Variants in CCT4 observed in about 807,000 individuals in gnomAD.
The protein encoded by CCT4 is T-complex protein 1 subunit delta.
A neutral mutation model predicts 62.5 loss-of-function variants in CCT4; 17 were observed. That is an observed-to-expected ratio of 0.27 (90% CI 0.19 to 0.41). The LOEUF (loss-of-function observed/expected upper bound fraction) is 0.41, where lower values mean the gene tolerates loss of function less well. Ranked by LOEUF, CCT4 falls within the 10% of genes least tolerant of loss-of-function variation. The probability of loss-of-function intolerance (pLI) is 1.00; values close to 1 mark genes in which losing one functional copy is unlikely to be tolerated. For synonymous variants in CCT4, 250 were observed against 229.9 expected (o/e 1.09, Z -0.79); for missense variants, 592 against 659.2 (o/e 0.90, Z 1.12).
intron 4 of CCT4, among the ~76,000 whole-genome samples, chr2:61,879,257 T>A (rs1434207748): frequency 1.4e-3 from 1 of 694 alleles, no homozygotes; most frequent in Non-Finnish European, 3.5e-3. Context: ...AATTTTATAC[T>A]TTTTTTTTTT....
intron 8 of CCT4, among the ~76,000 whole-genome samples, chr2:61,875,315 A>G (rs1668974774): frequency 6.6e-6 from 1 of 152,086 alleles, no homozygotes; most frequent in Admixed American, 6.6e-5. Flanking sequence ...GCGGTGGCTC[A>G]TGCCTGTAAT....
At chr2:61,870,166 A>G (rs1182251611) in intron 12 of CCT4, among the ~76,000 whole-genome samples, 2 of 151,724 alleles carry the variant, frequency 1.3e-5, no homozygotes, top group Non-Finnish European at 1.5e-5. Context: ...AGTCCCAGCT[A>G]CTCAGGAGGC....
At chr2:61,868,850 A>C (rs1482672885) in intron 13 of CCT4, 144 bp from the exon 14 acceptor site, 2 of 675,108 alleles carry the variant, frequency 3.0e-6, no homozygotes, top group Admixed American at 4.5e-5. Flanking sequence ...CAAAAGTAAA[A>C]ACTTGGCCAG....
intron 5 of CCT4, 63 bp from the exon 6 acceptor site, chr2:61,877,577 T>A: frequency 7.9e-7 from 1 of 1,257,958 alleles, no homozygotes; most frequent in Non-Finnish European, 1.1e-6. Flanking sequence ...AATTTTTCAA[T>A]GACAAAGATA....
intron 1 of CCT4, among the ~76,000 whole-genome samples, chr2:61,886,754 C>A (rs1669260246): frequency 6.6e-6 from 1 of 151,974 alleles, no homozygotes; most frequent in African/African-American, 2.4e-5. Context: ...TCTCTTGGCC[C>A]CCAAATTTAT....
In CCT4 at chr2:61,876,339, A is replaced by G. The variant is rs879373267; in HGVS notation, c.778-105T>C. 1.6e-4 allele frequency: 118 copies of G among 736,382 alleles called. No individual in the cohort carries two copies. The Admixed American group carries it at 2.1e-3, about 13-fold the overall frequency. The allele number at this position is 736,382 out of a possible 1,614,324, so 45.6% of individuals were successfully genotyped here. ...GTGTTGTATAAATTCAACCAAAACTATATCAAGTAATAAATTATATAGACA... is the reference window on the plus strand; with the variant it reads ...GTGTTGTATAAATTCAACCAAAACTGTATCAAGTAATAAATTATATAGACA... On this transcript the variant is annotated intron_variant, in intron 7 of 13. Transcript: ENST00000394440.
intron 3 of CCT4, among the ~76,000 whole-genome samples, chr2:61,882,605 C>T (rs1669143369): frequency 6.6e-6 from 1 of 151,888 alleles, no homozygotes; most frequent in African/African-American, 2.4e-5. Flanking sequence ...CTCCCCTGGA[C>T]TCAAACAATT....
chr2:61,872,167 G>C lies in CCT4; in HGVS notation c.1406C>G (p.Ala469Gly). 1 of 1,614,030 alleles carries C rather than the reference G, an allele frequency of 6.2e-7. No homozygotes were observed. The highest frequency in any genetic ancestry group is 8.5e-7 in the Non-Finnish European group (1 of 1,179,972). ...TACTGTAGAAATGGGATTCAGGCCG[G>C]CATTTTCAGCTAGTGTAGATGGAAT... ...EVIPSTLAEN[A>G]GLNPISTVTE... The change falls in exon 12 of 14, where the codon GCC becomes GGC. Residue 469 changes from alanine (A) to glycine (G), a missense_variant. Coordinates refer to ENST00000394440, the MANE Select transcript of CCT4 (RefSeq NM_006430.4).
At chr2:61,875,098 C>T (rs1425253976) in intron 8 of CCT4, among the ~76,000 whole-genome samples, 1 of 149,566 alleles carries the variant, frequency 6.7e-6, no homozygotes, top group Non-Finnish European at 1.5e-5. Flanking sequence ...ACCGAGATCG[C>T]ACCATTGATT....
At chr2:61,873,839 T>G (rs1251609928) in intron 8 of CCT4, among the ~76,000 whole-genome samples, 2 of 152,142 alleles carry the variant, frequency 1.3e-5, no homozygotes, top group Non-Finnish European at 2.9e-5. Flanking sequence ...GTGCTGGGAT[T>G]ACAGGCATGA....
chr2:61,873,012 T>C lies in CCT4; in HGVS notation c.1115A>G (p.Lys372Arg), dbSNP rs1234624703. The stretch of plus-strand genomic sequence containing the variant: ...GTGTAATACTGTTACCTTGAGCAGT[T>C]TGCCAGAACCATTTAAATTGACCTC... ...AEEVNLNGSG[K>R]LLKITGCASP... The change falls in exon 10 of 14, where the codon AAA becomes AGA. Residue 372 changes from lysine to arginine, a missense_variant. Lys to Arg is a conservative substitution (Grantham distance 26, BLOSUM62 2). Around this residue, in one of 3 missense-constraint regions of CCT4, gnomAD observed 522 missense variants for 571.2 expected, o/e 0.91. Coordinates refer to ENST00000394440, the MANE Select transcript of CCT4 (RefSeq NM_006430.4). The C allele has an allele frequency of 3.3e-5, 53 of 1,592,086 alleles. No homozygotes were observed. Among genetic ancestry groups the C allele is most frequent in the Middle Eastern group, 1.7e-4 (1 of 6,026 alleles).
chr2:61,888,627 C>A lies in CCT4; in HGVS notation c.-120G>T. On this transcript the variant is annotated 5_prime_UTR_variant, in exon 1 of 14. Transcript: ENST00000394440. ...TCACGAACCTTCCAGAAAGCGGCGC[C>A]GGCGTCGGGAGGAGGCGGAGGCGGA... is the stretch of plus-strand genomic sequence containing the variant. The A allele has an allele frequency of 1.6e-6, 2 of 1,263,272 alleles. No homozygotes were observed. Among genetic ancestry groups the A allele is most frequent in the Non-Finnish European group, 2.1e-6 (2 of 943,694 alleles). 78.3% of individuals were successfully genotyped at this position (1,263,272 alleles called of 1,614,324 possible).
chr2:61,875,349 C>T (rs564583985), intron 8 of CCT4, among the ~76,000 whole-genome samples: 4 of 151,934 alleles, frequency 2.6e-5, no homozygotes, highest in Non-Finnish European at 4.4e-5. Context: ...GAGGCTGAGG[C>T]GGGTGGATCA....
In CCT4 at chr2:61,885,045, A is replaced by G; in HGVS notation, c.155T>C (p.Leu52Pro). 6.4e-7 allele frequency: 1 copy of G among 1,570,546 alleles called. No individual in the cohort carries two copies. The highest frequency in any genetic ancestry group is 8.6e-7 in the Non-Finnish European group (1 of 1,163,792). ...CATTTTATCCATTCCTTTTGGTCCA[A>G]GGCTTGTTCTAATAGCATCAGCAAC... ...KAVADAIRTS[L>P]GPKGMDKMIQ... Residue 52 changes from leucine to proline, a missense_variant, in exon 2 of 14, where the codon CTT (leucine) becomes CCT (proline). Leu to Pro is a moderately conservative substitution (Grantham distance 98). This residue lies in a region of CCT4 where 3 missense variants were observed against 16.9 expected (regional missense o/e 0.18). Transcript: ENST00000394440.
Position 61,872,994 on chromosome 2 carries a change from A to T in CCT4, c.1125+8T>A. 6.7e-7 allele frequency: 1 copy of T among 1,489,942 alleles called. No homozygotes were observed. Among genetic ancestry groups the T allele is most frequent in the Non-Finnish European group, 9.4e-7 (1 of 1,066,902 alleles). 92.3% of individuals were successfully genotyped at this position (1,489,942 alleles called of 1,614,324 possible). ...AAGCAAATAAAAATTTAAGTGTAAT[A>T]CTGTTACCTTGAGCAGTTTGCCAGA... On this transcript the variant is annotated splice_region_variant and intron_variant, in intron 10 of 13. Transcript: ENST00000394440.
chr2:61,879,256 CTTTTTT>C lies in CCT4; in HGVS notation c.380-251_380-246del, dbSNP rs35373962. On this transcript the variant is annotated intron_variant, in intron 4 of 13. Transcript: ENST00000394440. ...GTCTTGACTAAAACCAAATTTTATA[CTTTTTT>C]TTTTTTTTTTTTTTTCTGAGACAGG... Among the ~76,000 whole-genome samples, 27 of 101,048 alleles carry C rather than the reference CTTTTTT, an allele frequency of 2.7e-4. No individual in the cohort carries two copies. The East Asian group carries it at 3.0e-3, about 11-fold the overall frequency. 66.3% of individuals were successfully genotyped at this position (101,048 alleles called of 152,430 possible). A position where few individuals can be genotyped will look rare whatever the true frequency, so the allele number is the denominator to read the frequency against.
chr2:61,876,177 C>G lies in CCT4; in HGVS notation c.835G>C (p.Glu279Gln), dbSNP rs777563170. Residue 279 changes from glutamate to glutamine, a missense_variant, in exon 8 of 14, where the codon GAG becomes CAG. Glu to Gln is a conservative substitution (Grantham distance 29). This residue lies in a region of CCT4 where 522 missense variants were observed against 571.2 expected (regional missense o/e 0.91). Coordinates refer to ENST00000394440, the MANE Select transcript of CCT4 (RefSeq NM_006430.4). ...ACTAAATTTAAAATATAGGCTCTCT[C>G]TTCTCGCAGCACTCGGTCCATCTGG... ...YAQMDRVLRE[E>Q]RAYILNLVKQ... The G allele has an allele frequency of 3.1e-6, 5 of 1,610,398 alleles. No individual in the cohort carries two copies. The South Asian group carries it at 5.5e-5, about 18-fold the overall frequency.
At position 61,876,952 on chromosome 2, in the gene CCT4, T is replaced by G. The variant is rs962527558; in HGVS notation, c.745A>C (p.Ile249Leu). ...TRVEKAKIGL[I>L]QFCLSAPKTD... ...TTGGGAGCAGATAAGCAAAACTGAA[T>G]AAGCCCAATCTTGGCCTTTTCAACT... is the stretch of plus-strand genomic sequence containing the variant. The change falls in exon 7 of 14, where the codon ATT becomes CTT. Residue 249 changes from isoleucine to leucine, a missense_variant. Coordinates refer to ENST00000394440, the MANE Select transcript of CCT4 (RefSeq NM_006430.4). The G allele has an allele frequency of 1.9e-6, 3 of 1,613,608 alleles. No homozygotes were observed. The highest frequency in any genetic ancestry group is 1.3e-5 in the African/African-American group (1 of 74,938).
At chr2:61,876,272 A>G (rs368543407) in intron 7 of CCT4, 38 bp from the exon 8 acceptor site, 1 of 1,499,950 alleles carries the variant, frequency 6.7e-7, no homozygotes, top group African/African-American at 1.4e-5. Flanking sequence ...GCATTGTAAG[A>G]TATTTTAAGT....
Sources: allele counts gnomAD v4.1 joint callset (sites outside exome capture counted in the v4.1 genomes callset), GRCh38; gene constraint gnomAD v4.1.1; regional missense constraint gnomAD v4.1.1; transcripts MANE v1.5; gene names NCBI Gene and HGNC (gene_info 2026-07-23, HGNC 2026-07-21).